ZNF664: variants seen among roughly 807,000 people sequenced by gnomAD.
The protein encoded by ZNF664 is zinc finger Organ of Corti 1.
Under a neutral mutation model 18.2 loss-of-function variants are expected in ZNF664, and 10 were observed. The observed-to-expected ratio is 0.55, with a 90% CI of 0.34 to 0.93. The LOEUF (loss-of-function observed/expected upper bound fraction) is 0.93. ZNF664 is among the 40% of genes least tolerant of loss of function. The pLI, the probability that ZNF664 is intolerant of heterozygous loss-of-function variation, is 0.02. For synonymous variants in ZNF664, 119 were observed against 104.2 expected, an observed-to-expected ratio of 1.14 and a Z score of -0.86; for missense variants, 193 against 319.0, an observed-to-expected ratio of 0.61 and a Z score of 3.01.
chr12:123,998,822 G>A (rs1289834468), intron 3 of ZNF664: 1 of 152,546 alleles, frequency 6.6e-6, no homozygotes, highest in Non-Finnish European at 1.5e-5. Flanking sequence ...TGTGGAATAT[G>A]TGCCTGTGTG....
chr12:124,001,185 C>G (rs1316272486), intron 3 of ZNF664, among the ~76,000 whole-genome samples: 1 of 152,182 alleles, frequency 6.6e-6, no homozygotes, highest in Non-Finnish European at 1.5e-5. Flanking sequence ...ACATTTTTCT[C>G]TCATCTCCAC....
chr12:123,996,341 G>A (rs193282024), intron 3 of ZNF664, among the ~76,000 whole-genome samples: 54 of 152,270 alleles, frequency 3.5e-4, no homozygotes, highest in Admixed American at 2.5e-3. Context: ...GGCAGAAACT[G>A]CTGCTGCTTG....
At chr12:123,979,801 A>C (rs1211796250) in intron 2 of ZNF664, among the ~76,000 whole-genome samples, 1 of 151,836 alleles carries the variant, frequency 6.6e-6, no homozygotes, top group African/African-American at 2.4e-5. Context: ...TCAGCCTCTC[A>C]AGTAGCTGGG....
chr12:123,987,950 C>T, intron 2 of ZNF664, 93 bp from the exon 3 acceptor site: 2 of 1,227,650 alleles, frequency 1.6e-6, no homozygotes, highest in Non-Finnish European at 2.0e-6. Context: ...AGCTGGGACC[C>T]CACGTTTATA....
intron 2 of ZNF664, 57 bp downstream of exon 2, chr12:123,974,077 C>G (rs1378928269): frequency 2.4e-5 from 27 of 1,142,414 alleles, no homozygotes; most frequent in Non-Finnish European, 2.9e-5. Context: ...CGCAGGCGTT[C>G]TCACCCCTTC....
At chr12:123,991,572 A>G (rs1482565562) in intron 3 of ZNF664, among the ~76,000 whole-genome samples, 2 of 152,268 alleles carry the variant, frequency 1.3e-5, no homozygotes, top group Non-Finnish European at 1.5e-5. Flanking sequence ...AGCCTCAGCT[A>G]TGCTGTGGGC....
At chr12:124,005,291 C>T (rs951849617) in intron 3 of ZNF664, among the ~76,000 whole-genome samples, 1 of 152,136 alleles carries the variant, frequency 6.6e-6, no homozygotes, top group African/African-American at 2.4e-5. Context: ...CTTTTTTGTT[C>T]ACACAAGAAG....
rs534113201 is a variant in ZNF664, at chr12:124,014,064, A to C, written c.*1134A>C. The stretch of plus-strand genomic sequence containing the variant: ...ACAGACAAGGTCCCTACTCTTGTGG[A>C]GTTTACTTCTGGTGGAGGAGACAGA... On this transcript the variant is annotated 3_prime_UTR_variant, in exon 5 of 5. Coordinates refer to ENST00000337815, the MANE Select transcript of ZNF664 (RefSeq NM_152437.3). 2 of 167,074 alleles carry C rather than the reference A, an allele frequency of 1.2e-5. No homozygotes were observed. Among genetic ancestry groups the C allele is most frequent in the East Asian group, 3.9e-4 (2 of 5,186 alleles). The allele number at this position is 167,074 out of a possible 1,614,324, so 10.3% of individuals were successfully genotyped here.
chr12:123,977,302 G>T (rs992209789), intron 2 of ZNF664, among the ~76,000 whole-genome samples: 1 of 151,958 alleles, frequency 6.6e-6, no homozygotes, highest in Non-Finnish European at 1.5e-5. Flanking sequence ...GTGAAGTGAG[G>T]CTCTAAAATG....
chr12:124,006,949 A>G (rs1207225662), intron 3 of ZNF664, among the ~76,000 whole-genome samples: 1 of 152,168 alleles, frequency 6.6e-6, no homozygotes, highest in Admixed American at 6.5e-5. Context: ...TGGTGTGTTC[A>G]GGATCTGTGA....
At chr12:123,989,780 A>G (rs888919891) in intron 3 of ZNF664, among the ~76,000 whole-genome samples, 1 of 152,256 alleles carries the variant, frequency 6.6e-6, no homozygotes, top group Admixed American at 6.5e-5. Context: ...CTACAAGATC[A>G]AAAGCCTGAA....
intron 3 of ZNF664, among the ~76,000 whole-genome samples, chr12:123,998,914 G>C (rs928488098): frequency 3.3e-5 from 5 of 152,208 alleles, no homozygotes; most frequent in African/African-American, 1.2e-4. Context: ...GTCTGTGTCA[G>C]GGTGGGCTGG....
chr12:124,011,316 T>C (rs1957134037), intron 3 of ZNF664, 65 bp from the exon 4 acceptor site: 11 of 964,134 alleles, frequency 1.1e-5, no homozygotes, highest in Admixed American at 6.7e-5. Context: ...CAATGAGTTA[T>C]TGTAATTGGA....
chr12:123,986,976 CT>C (rs1956832791), intron 2 of ZNF664, among the ~76,000 whole-genome samples: 1 of 152,180 alleles, frequency 6.6e-6, no homozygotes, highest in Non-Finnish European at 1.5e-5. Flanking sequence ...AGCATTTTCA[CT>C]TTTCCATTTT....
chr12:123,987,880 G>C, intron 2 of ZNF664, 163 bp from the exon 3 acceptor site: 3 of 856,640 alleles, frequency 3.5e-6, no homozygotes, highest in Non-Finnish European at 4.2e-6. Flanking sequence ...GGACCTCCAT[G>C]CCTTGAATCC....
At chr12:124,007,113 A>AT (rs1957081747) in intron 3 of ZNF664, among the ~76,000 whole-genome samples, 1 of 152,014 alleles carries the variant, frequency 6.6e-6, no homozygotes, top group Non-Finnish European at 1.5e-5. Context: ...CACGTGGAAA[A>AT]TTTGCCGGAG....
rs1957135163 is a variant in ZNF664 at position 124,011,446 on chromosome 12, G to A, written c.-600+5G>A. ...GCTTCTTCAAGACCAAAAAAGGTTT[G>A]TGTTACTGCTGTCACATTTATATAA... is the stretch of plus-strand genomic sequence containing the variant. On this transcript the variant is annotated splice_donor_5th_base_variant and intron_variant, in intron 4 of 4. Transcript: ENST00000337815. The A allele has an allele frequency of 1.2e-6, 1 of 802,374 alleles. No individual in the cohort carries two copies. Among genetic ancestry groups the A allele is most frequent in the Non-Finnish European group, 1.5e-6 (1 of 664,372 alleles). 49.7% of individuals were successfully genotyped at this position (802,374 alleles called of 1,614,324 possible). A position where few individuals can be genotyped will look rare whatever the true frequency, so the allele number is the denominator to read the frequency against.
intron 3 of ZNF664, among the ~76,000 whole-genome samples, chr12:124,009,249 T>C (rs1957107822): frequency 6.6e-6 from 1 of 152,232 alleles, no homozygotes; most frequent in African/African-American, 2.4e-5. Context: ...GAATATGTTC[T>C]AGGTATGTGC....
At chr12:123,983,843 A>G (rs943138834) in intron 2 of ZNF664, among the ~76,000 whole-genome samples, 4 of 152,210 alleles carry the variant, frequency 2.6e-5, no homozygotes, top group African/African-American at 9.7e-5. Context: ...TTAATACTAT[A>G]ACTTTACATT....
Sources: gnomAD v4.1 joint callset for allele counts (sites outside exome capture counted in the v4.1 genomes callset) on GRCh38, gnomAD v4.1.1 for gene constraint, MANE v1.5 for transcripts, NCBI Gene and HGNC (gene_info 2026-07-23, HGNC 2026-07-21) for gene names.